ABCC4: variants seen among roughly 807,000 people sequenced by gnomAD.
ABCC4 encodes the protein ATP binding cassette subfamily C member 4 (PEL blood group).
In ABCC4, 102 loss-of-function variants were observed where a neutral mutation model predicts 168.5. The observed-to-expected ratio is 0.61, with a 90% CI of 0.52 to 0.71. The LOEUF is 0.71. Among genes scored for constraint, ABCC4 ranks in the 30% least tolerant of loss-of-function variants. The probability of loss-of-function intolerance (pLI) is 0.00; values close to 1 mark genes in which losing one functional copy is unlikely to be tolerated. For synonymous variants in ABCC4, 617 were observed against 590.7 expected, an observed-to-expected ratio of 1.04 and a Z score of -0.65; for missense variants, 1,402 against 1,605.8, an observed-to-expected ratio of 0.87 and a Z score of 2.17.
At chr13:95,264,841 A>AG (rs1463333298) in intron 1 of ABCC4, among the ~76,000 whole-genome samples, 5 of 149,982 alleles carry the variant, frequency 3.3e-5, no homozygotes, top group Admixed American at 2.0e-4. Flanking sequence ...TTTAGGTATA[A>AG]GGGGCCTCAG....
chr13:95,298,945 C>T (rs2041605849), intron 1 of ABCC4, among the ~76,000 whole-genome samples: 1 of 152,130 alleles, frequency 6.6e-6, no homozygotes, highest in African/African-American at 2.4e-5. Context: ...CTGCCACCTA[C>T]ATTTTGAAAA....
chr13:95,199,113 A>G (rs1361631224), intron 8 of ABCC4, among the ~76,000 whole-genome samples: 1 of 152,170 alleles, frequency 6.6e-6, no homozygotes, highest in Non-Finnish European at 1.5e-5. Flanking sequence ...TGTCCCAGAA[A>G]AAGTATAATA....
chr13:95,236,178 T>C (rs1195376605), intron 3 of ABCC4, among the ~76,000 whole-genome samples: 82 of 152,082 alleles, frequency 5.4e-4, no homozygotes, highest in Non-Finnish European at 4.4e-5. Flanking sequence ...CTCGAACCCG[T>C]TGTAAGGGAC....
intron 11 of ABCC4, among the ~76,000 whole-genome samples, chr13:95,182,725 G>A (rs1428021940): frequency 6.6e-6 from 1 of 152,158 alleles, no homozygotes; most frequent in Non-Finnish European, 1.5e-5. Flanking sequence ...CTAAGGTTCA[G>A]ACGATTAGCT....
chr13:95,247,591 A>T, intron 2 of ABCC4, 52 bp downstream of exon 2: 1 of 1,439,584 alleles, frequency 6.9e-7, no homozygotes, highest in Non-Finnish European at 9.8e-7. Context: ...CCCACTCCCC[A>T]CACACAGACA....
At chr13:95,145,616 C>CA (rs1233444198) in intron 19 of ABCC4, among the ~76,000 whole-genome samples, 6,955 of 96,892 alleles carry the variant, frequency 0.072, 517 homozygotes, top group African/African-American at 0.2. Flanking sequence ...ACCCCATCTC[C>CA]AAAAAAAAAA....
chr13:95,286,539 A>G (rs955197477), intron 1 of ABCC4, among the ~76,000 whole-genome samples: 3 of 150,260 alleles, frequency 2.0e-5, no homozygotes, highest in African/African-American at 7.4e-5. Context: ...TGTTTTTTTA[A>G]TAGATCTTCA....
At chr13:95,117,255 T>TAAA (rs5805902) in intron 19 of ABCC4, among the ~76,000 whole-genome samples, 1 of 136,000 alleles carries the variant, frequency 7.4e-6, no homozygotes. Flanking sequence ...TCATGCCTGT[T>TAAA]AAAAAAAAAA....
rs778579872 is a variant in ABCC4 at position 95,166,271 on chromosome 13, G to T, written c.1921C>A (p.Pro641Thr). The stretch of plus-strand genomic sequence containing the variant: ...AGTGTGGGAGTTCCTGGAACTGGAG[G>T]TTGTTCACTTTCCTCATTATCCTTC... ...LKKDNEESEQ[P>T]PVPGTPTLRN... Residue 641 changes from proline (P) to threonine (T), a missense_variant, in exon 15 of 31, where the codon CCT (proline) becomes ACT (threonine). Pro to Thr is a conservative substitution (Grantham distance 38). Coordinates refer to ENST00000645237, the MANE Select transcript of ABCC4 (RefSeq NM_005845.5). 4.3e-6 allele frequency: 7 copies of T among 1,614,086 alleles called. No homozygotes were observed. In the Admixed American group the frequency reaches 1.2e-4, roughly 27 times the overall value.
At chr13:95,091,758 A>C (rs2034441731) in intron 20 of ABCC4, among the ~76,000 whole-genome samples, 1 of 99,282 alleles carries the variant, frequency 1.0e-5, no homozygotes, top group South Asian at 3.0e-4. Flanking sequence ...AAAAACAAAC[A>C]AAAAAAACAC....
At chr13:95,107,903 C>T (rs1437030820) in intron 20 of ABCC4, among the ~76,000 whole-genome samples, 2 of 152,140 alleles carry the variant, frequency 1.3e-5, no homozygotes, top group Non-Finnish European at 2.9e-5. Flanking sequence ...CACACCACTG[C>T]ACTCCAGCCT....
rs541867565 is a variant in ABCC4, at chr13:95,241,313, C to T, written c.306+5662G>A. ...CTGGGAGGCAGAGGTTGCAGTGAGC[C>T]GAGATCGTGCCACTGCACTCCAGCC... On this transcript the variant is annotated intron_variant, in intron 3 of 30. Transcript: ENST00000645237. 2.7e-5 allele frequency among the ~76,000 whole-genome samples: 4 copies of T among 149,898 alleles called. No individual in the cohort carries two copies. The South Asian group carries it at 6.3e-4, about 24-fold the overall frequency.
intron 12 of ABCC4, 92 bp downstream of exon 12, chr13:95,177,905 G>A (rs1007319491): frequency 6.7e-7 from 1 of 1,498,766 alleles, no homozygotes; most frequent in African/African-American, 1.4e-5. Context: ...CTTCACACAG[G>A]ACGCAATACA....
At chr13:95,185,995 G>A (rs946332001) in intron 11 of ABCC4, among the ~76,000 whole-genome samples, 2 of 152,060 alleles carry the variant, frequency 1.3e-5, no homozygotes, top group African/African-American at 2.4e-5. Context: ...AAAGGGAGTG[G>A]AGAAGGAAAC....
At chr13:95,080,854 T>C (rs1029939534) in intron 21 of ABCC4, among the ~76,000 whole-genome samples, 2 of 152,140 alleles carry the variant, frequency 1.3e-5, no homozygotes, top group Non-Finnish European at 2.9e-5. Context: ...TTGGAAATCC[T>C]TGAGGGCACA....
intron 1 of ABCC4, among the ~76,000 whole-genome samples, chr13:95,294,404 C>T (rs912505328): frequency 6.6e-6 from 1 of 152,040 alleles, no homozygotes; most frequent in Non-Finnish European, 1.5e-5. Flanking sequence ...TATTGTCATG[C>T]TATAGTCCCC....
chr13:95,051,909 TC>T (rs2032856721), intron 27 of ABCC4, among the ~76,000 whole-genome samples: 1 of 152,106 alleles, frequency 6.6e-6, no homozygotes, highest in Non-Finnish European at 1.5e-5. Flanking sequence ...TCGTGATCCA[TC>T]CGCCTCAGCC....
chr13:95,171,889 T>C (rs1037171369), intron 13 of ABCC4, among the ~76,000 whole-genome samples: 2 of 152,142 alleles, frequency 1.3e-5, no homozygotes, highest in African/African-American at 4.8e-5. Context: ...CCTCTTCAGG[T>C]TTAGTACTTA....
intron 1 of ABCC4, among the ~76,000 whole-genome samples, chr13:95,256,424 C>T (rs1173276720): frequency 6.6e-6 from 1 of 152,224 alleles, no homozygotes; most frequent in Non-Finnish European, 1.5e-5. Flanking sequence ...CAAGATCCTT[C>T]TGAGCCCATC....
Sources: allele counts gnomAD v4.1 joint callset (sites outside exome capture counted in the v4.1 genomes callset), GRCh38; gene constraint gnomAD v4.1.1; transcripts MANE v1.5; gene names NCBI Gene and HGNC (gene_info 2026-07-23, HGNC 2026-07-21).